The following CPNE5 variants were observed in gnomAD, a reference collection of about 807,000 sequenced individuals.
The protein encoded by CPNE5 is copine-5.
In CPNE5, 42 loss-of-function variants were observed where a neutral mutation model predicts 81.1. The observed-to-expected ratio is 0.52, with a 90% CI of 0.40 to 0.67. The LOEUF (loss-of-function observed/expected upper bound fraction) is 0.67, where lower values mean the gene tolerates loss of function less well. Ranked by LOEUF, CPNE5 falls within the 30% of genes least tolerant of loss-of-function variation. The probability of loss-of-function intolerance (pLI) is 0.00; values close to 1 mark genes in which losing one functional copy is unlikely to be tolerated. For synonymous variants in CPNE5, 313 were observed against 321.5 expected (o/e 0.97, Z 0.28); for missense variants, 612 against 815.5 (o/e 0.75, Z 3.04).
Position 36,746,575 on chromosome 6 carries a change from T to A in CPNE5, c.1021A>T (p.Asn341Tyr), listed in dbSNP as rs1480197334. 6.2e-7 allele frequency: 1 copy of A among 1,611,096 alleles called. No individual in the cohort carries two copies. The highest frequency in any genetic ancestry group is 2.2e-5 in the East Asian group (1 of 44,508). The change falls in exon 16 of 21, where the codon AAC becomes TAC. Residue 341 changes from asparagine (N) to tyrosine (Y), a missense_variant and splice_region_variant. Coordinates refer to ENST00000244751, the MANE Select transcript of CPNE5 (RefSeq NM_020939.2). The surrounding 1 kb of genome is among the most constrained non-coding windows in gnomAD (Gnocchi z 4.5). ...TGCAGGGATGTGGACTGTGAGGGGT[T>A]CCCTGTAACACAGGACATGGGAGCC... is the stretch of plus-strand genomic sequence containing the variant. ...VAIDFTASNGNPSQSTSLHYM... is the reference protein window; with the variant it reads ...VAIDFTASNGYPSQSTSLHYM...
At chr6:36,795,929 G>A (rs1034917872) in intron 6 of CPNE5, among the ~76,000 whole-genome samples, 7 of 151,752 alleles carry the variant, frequency 4.6e-5, no homozygotes, top group African/African-American at 1.2e-4. Flanking sequence ...CAACATTGCC[G>A]TCAACCTCTG....
Position 36,775,080 on chromosome 6 carries a change from G to A in CPNE5, c.633-15C>T. The A allele has an allele frequency of 6.2e-7, 1 of 1,606,850 alleles. No homozygotes were observed. Among genetic ancestry groups the A allele is most frequent in the African/African-American group, 1.3e-5 (1 of 74,916 alleles). On this transcript the variant is annotated splice_polypyrimidine_tract_variant and intron_variant, in intron 9 of 20. Coordinates refer to ENST00000244751, the MANE Select transcript of CPNE5 (RefSeq NM_020939.2). ...AAATGGTGAACCTGGTGAAGAAGAA[G>A]AGAGGGAAAGGCTGTCAGGCCCAAA... is the stretch of plus-strand genomic sequence containing the variant.
At chr6:36,833,915 T>C (rs775417924) in intron 1 of CPNE5, among the ~76,000 whole-genome samples, 1 of 151,952 alleles carries the variant, frequency 6.6e-6, no homozygotes, top group Non-Finnish European at 1.5e-5. Context: ...TAACCTTAGT[T>C]TGAAATATAT....
chr6:36,760,217 T>TTA (rs1554196932), intron 12 of CPNE5, among the ~76,000 whole-genome samples: 1 of 138,468 alleles, frequency 7.2e-6, no homozygotes, highest in Non-Finnish European at 1.5e-5. Flanking sequence ...GACTCCATCT[T>TTA]AAAAAAAAAA....
chr6:36,809,379 C>G lies in CPNE5; in HGVS notation c.184-9309G>C, dbSNP rs549220334. On this transcript the variant is annotated intron_variant, in intron 3 of 20. Coordinates refer to ENST00000244751, the MANE Select transcript of CPNE5 (RefSeq NM_020939.2). ...TCGCTTGAACCTAGGAGTTCGAGACCAACCTGGGCAACATAGTGAGATCCC... is the reference window on the plus strand; with the variant it reads ...TCGCTTGAACCTAGGAGTTCGAGACGAACCTGGGCAACATAGTGAGATCCC... 3.3e-5 allele frequency among the ~76,000 whole-genome samples: 5 copies of G among 152,130 alleles called. No homozygotes were observed. In the South Asian group the frequency reaches 1.0e-3, roughly 32 times the overall value.
chr6:36,822,373 C>T (rs1170771582), intron 2 of CPNE5, among the ~76,000 whole-genome samples: 1 of 151,996 alleles, frequency 6.6e-6, no homozygotes, highest in African/African-American at 2.4e-5. Flanking sequence ...TCTGGCCCCC[C>T]AAGCCTGGAC....
chr6:36,835,341 A>G (rs1773394470), intron 1 of CPNE5, among the ~76,000 whole-genome samples: 1 of 152,224 alleles, frequency 6.6e-6, no homozygotes, highest in Admixed American at 6.5e-5. Flanking sequence ...ACTCGGCAGG[A>G]TGGCTCACAC....
At chr6:36,805,787 G>GC (rs1402499032) in intron 3 of CPNE5, among the ~76,000 whole-genome samples, 3 of 152,204 alleles carry the variant, frequency 2.0e-5, no homozygotes, top group Non-Finnish European at 2.9e-5. Flanking sequence ...CTTCTGACAT[G>GC]CCCCAAAAGA....
At chr6:36,779,828 C>T (rs983557105) in intron 8 of CPNE5, among the ~76,000 whole-genome samples, 4 of 152,216 alleles carry the variant, frequency 2.6e-5, no homozygotes, top group South Asian at 2.1e-4. Flanking sequence ...TCACCCCTCC[C>T]GTGTGGCCTC....
chr6:36,755,474 T>C (rs1176731009), intron 13 of CPNE5: 4 of 152,026 alleles, frequency 2.6e-5, no homozygotes, highest in African/African-American at 9.7e-5. Flanking sequence ...CTTTATACTT[T>C]TTCCATAGCT....
At chr6:36,780,313 C>T (rs1191758456) in intron 8 of CPNE5, among the ~76,000 whole-genome samples, 2 of 152,100 alleles carry the variant, frequency 1.3e-5, no homozygotes, top group African/African-American at 4.8e-5. Context: ...GACCCACAGC[C>T]CAGTGAGGGC....
chr6:36,798,321 T>C (rs1769779709), intron 5 of CPNE5, 80 bp from the exon 6 acceptor site: 2 of 1,526,106 alleles, frequency 1.3e-6, no homozygotes, highest in Non-Finnish European at 9.1e-7. Flanking sequence ...GCCCAATTCC[T>C]GGAAGCGTGA....
intron 1 of CPNE5, among the ~76,000 whole-genome samples, chr6:36,837,587 A>C (rs1307042440): frequency 6.6e-6 from 1 of 152,178 alleles, no homozygotes; most frequent in Non-Finnish European, 1.5e-5. Context: ...CCTGTGGCCC[A>C]GGCTGAGTAC....
At chr6:36,775,265 G>A (rs1477942912) in intron 9 of CPNE5, among the ~76,000 whole-genome samples, 200 bp from the exon 10 acceptor site, 1 of 152,202 alleles carries the variant, frequency 6.6e-6, no homozygotes, top group Non-Finnish European at 1.5e-5. Flanking sequence ...CTGCAGAAAG[G>A]GTTCCTGTAC....
chr6:36,827,611 G>A lies in CPNE5; in HGVS notation c.96-4513C>T, dbSNP rs545294506. On this transcript the variant is annotated intron_variant, in intron 1 of 20. Transcript: ENST00000244751. ...GGCACAGACCACAACACACACACGTGTAGCACCAGAAGTTTCTTCGAGGTA... is the reference window on the plus strand; with the variant it reads ...GGCACAGACCACAACACACACACGTATAGCACCAGAAGTTTCTTCGAGGTA... 6.2e-5 allele frequency: 61 copies of A among 985,414 alleles called. No homozygotes were observed. In the South Asian group the frequency reaches 2.4e-3, roughly 39 times the overall value. The allele number at this position is 985,414 out of a possible 1,614,324, so 61.0% of individuals were successfully genotyped here.
At chr6:36,759,666 G>A (rs1765831632) in intron 12 of CPNE5, among the ~76,000 whole-genome samples, 1 of 152,122 alleles carries the variant, frequency 6.6e-6, no homozygotes, top group Non-Finnish European at 1.5e-5. Flanking sequence ...GGGTGTGCAG[G>A]TGGACACAAC....
chr6:36,830,457 G>A (rs1033597459), intron 1 of CPNE5, among the ~76,000 whole-genome samples: 3 of 152,146 alleles, frequency 2.0e-5, no homozygotes, highest in Admixed American at 2.0e-4. Flanking sequence ...CCTAGCCCCT[G>A]GCACTTACCC....
At chr6:36,779,915 G>A (rs1767874035) in intron 8 of CPNE5, among the ~76,000 whole-genome samples, 1 of 151,826 alleles carries the variant, frequency 6.6e-6, no homozygotes, top group South Asian at 2.1e-4. Flanking sequence ...CCAGACCCCA[G>A]GACTTGCCCT....
At chr6:36,820,306 G>A (rs1771924846) in intron 3 of CPNE5, among the ~76,000 whole-genome samples, 2 of 147,974 alleles carry the variant, frequency 1.4e-5, no homozygotes, top group Admixed American at 1.3e-4. Flanking sequence ...GGCAGCCTCT[G>A]TAGGCCCAGC....
Sources: allele counts gnomAD v4.1 joint callset (sites outside exome capture counted in the v4.1 genomes callset), GRCh38; gene constraint gnomAD v4.1.1; non-coding constraint Gnocchi (gnomAD v3.1); transcripts MANE v1.5; gene names NCBI Gene and HGNC (gene_info 2026-07-23, HGNC 2026-07-21).